The following ACKR2 variants were observed in gnomAD, a reference collection of about 807,000 sequenced individuals.
ACKR2 encodes C-C chemokine receptor D6.
For synonymous variants in ACKR2, 207 were observed against 192.2 expected (o/e 1.08, Z -0.64); for missense variants, 457 against 477.3 (o/e 0.96, Z 0.40).
chr3:42,861,267 A>C (rs920805963), intron 2 of ACKR2, among the ~76,000 whole-genome samples: 7 of 152,250 alleles, frequency 4.6e-5, no homozygotes, highest in Non-Finnish European at 8.8e-5. Context: ...ATCTAGAAGA[A>C]ATGGATAAAT....
intron 2 of ACKR2, among the ~76,000 whole-genome samples, chr3:42,862,484 TTTA>T (rs765219744): frequency 3.9e-5 from 6 of 152,186 alleles, no homozygotes; most frequent in Non-Finnish European, 8.8e-5. Flanking sequence ...TACCACTGAC[TTTA>T]TTCACAGACT....
chr3:42,821,938 C>T (rs759941408), intron 2 of ACKR2, among the ~76,000 whole-genome samples: 3 of 151,950 alleles, frequency 2.0e-5, no homozygotes, highest in East Asian at 1.9e-4. Context: ...CCTCGTGATC[C>T]GCCCGCCTCG....
chr3:42,825,726 A>T (rs1235628066), intron 2 of ACKR2, among the ~76,000 whole-genome samples: 2 of 151,852 alleles, frequency 1.3e-5, no homozygotes, highest in Admixed American at 6.6e-5. Context: ...AACTGCTCTG[A>T]CTAGAAATGC....
chr3:42,833,766 GTATTT>G (rs992294855), intron 2 of ACKR2, among the ~76,000 whole-genome samples: 74 of 151,786 alleles, frequency 4.9e-4, no homozygotes, highest in African/African-American at 1.7e-3. Context: ...TATTAATATT[GTATTT>G]TAAGGCCATT....
At chr3:42,843,315 C>G (rs1036504489) in intron 2 of ACKR2, among the ~76,000 whole-genome samples, 2 of 145,826 alleles carry the variant, frequency 1.4e-5, no homozygotes, top group Non-Finnish European at 3.0e-5. Context: ...AAGTGATCTG[C>G]CCCCCCAGCC....
chr3:42,815,405 A>C (rs946072751), intron 1 of ACKR2, among the ~76,000 whole-genome samples: 2 of 152,204 alleles, frequency 1.3e-5, no homozygotes, highest in Non-Finnish European at 2.9e-5. Context: ...AGAATTGGCT[A>C]GGGGCCAGGC....
chr3:42,810,115 T>C (rs1009669043), intron 1 of ACKR2, among the ~76,000 whole-genome samples: 9 of 152,228 alleles, frequency 5.9e-5, no homozygotes, highest in African/African-American at 1.9e-4. Flanking sequence ...AGTATTGACA[T>C]AGATATTTCC....
At chr3:42,857,817 A>G (rs2088337086) in intron 2 of ACKR2, among the ~76,000 whole-genome samples, 2 of 152,242 alleles carry the variant, frequency 1.3e-5, no homozygotes, top group African/African-American at 4.8e-5. Context: ...TGCATTGGAC[A>G]TTTATGGATA....
At chr3:42,838,939 C>G (rs1252320687) in intron 2 of ACKR2, among the ~76,000 whole-genome samples, 3 of 152,166 alleles carry the variant, frequency 2.0e-5, no homozygotes, top group Non-Finnish European at 4.4e-5. Flanking sequence ...GAAACATACC[C>G]AACAGAAAAG....
intron 2 of ACKR2, among the ~76,000 whole-genome samples, chr3:42,826,024 A>T (rs1235280562): frequency 6.7e-6 from 1 of 149,684 alleles, no homozygotes; most frequent in Non-Finnish European, 1.5e-5. Context: ...TTCTTTTCAT[A>T]TGTTGTCTTA....
Position 42,843,071 on chromosome 3 carries a change from TATTA to T in ACKR2, c.-37-21394_-37-21391del, listed in dbSNP as rs199955125. The stretch of plus-strand genomic sequence containing the variant: ...TTATTTATTTATTTATTTATTTATT[TATTA>T]TTCATTATTTTTTGAGATGGAGTCT... On this transcript the variant is annotated intron_variant, in intron 2 of 2. Transcript: ENST00000422265. 5.0e-3 allele frequency among the ~76,000 whole-genome samples: 714 copies of T among 143,428 alleles called. 6 individuals carry two copies. Among genetic ancestry groups the T allele is most frequent in the African/African-American group, 0.018 (672 of 38,370 alleles). The allele number at this position is 143,428 out of a possible 152,430, so 94.1% of individuals were successfully genotyped here. A position where few individuals can be genotyped will look rare whatever the true frequency, so the allele number is the denominator to read the frequency against.
In ACKR2 at chr3:42,809,539, G is replaced by A. The variant is rs1047441830; in HGVS notation, c.-119+7G>A. On this transcript the variant is annotated splice_region_variant and intron_variant, in intron 1 of 2. Transcript: ENST00000422265. The stretch of plus-strand genomic sequence containing the variant: ...CTGCTATTGAACACGGCAGGTGAGA[G>A]AATTTCTTTATGGCCAATTCTTAGA... 1.3e-5 allele frequency: 2 copies of A among 152,204 alleles called. No individual in the cohort carries two copies. Among genetic ancestry groups the A allele is most frequent in the Non-Finnish European group, 2.9e-5 (2 of 68,082 alleles). The allele number at this position is 152,204 out of a possible 1,614,324, so 9.4% of individuals were successfully genotyped here.
At position 42,864,707 on chromosome 3, in the gene ACKR2, A is replaced by G. The variant is rs1173264769; in HGVS notation, c.205A>G (p.Met69Val). ...CCTCAGCGGGAACCTCCTTCTTCTC[A>G]TGGTCTTGCTCCGTTACGTGCCTCG... ...LGLSGNLLLLMVLLRYVPRRR... is the reference protein window; with the variant it reads ...LGLSGNLLLLVVLLRYVPRRR... Residue 69 changes from methionine (M) to valine (V), a missense_variant, in exon 3 of 3, where the codon ATG (methionine) becomes GTG (valine). Coordinates refer to ENST00000422265, the MANE Select transcript of ACKR2 (RefSeq NM_001296.5). 2 of 1,613,922 alleles carry G rather than the reference A, an allele frequency of 1.2e-6. No homozygotes were observed. The highest frequency in any genetic ancestry group is 1.3e-5 in the African/African-American group (1 of 74,866).
chr3:42,822,236 T>A (rs4682858), intron 2 of ACKR2, among the ~76,000 whole-genome samples: 39,165 of 151,662 alleles, frequency 0.26, 6,252 homozygotes, highest in East Asian at 0.59. Flanking sequence ...TAATGGTGGC[T>A]TTATCTGAAC....
At chr3:42,819,379 T>G (rs2059772) in intron 1 of ACKR2, among the ~76,000 whole-genome samples, 149,069 of 151,162 alleles carry the variant, frequency 0.99, 73,541 homozygotes, top group Middle Eastern at 1. Context: ...AGAGCTTTCT[T>G]TTGACCACAG....
intron 2 of ACKR2, among the ~76,000 whole-genome samples, chr3:42,831,030 CA>C (rs201837698): frequency 1.4e-5 from 2 of 146,172 alleles, no homozygotes; most frequent in South Asian, 2.1e-4. Flanking sequence ...AAACTTCAGG[CA>C]AAAAAAATAA....
intron 2 of ACKR2, among the ~76,000 whole-genome samples, chr3:42,846,861 A>AT (rs752859455): frequency 2.7e-4 from 41 of 152,236 alleles, no homozygotes; most frequent in Non-Finnish European, 4.9e-4. Flanking sequence ...TGAGCAAGCA[A>AT]TAATTCTGTC....
At chr3:42,847,784 GC>G (rs1345629671) in intron 2 of ACKR2, among the ~76,000 whole-genome samples, 12 of 152,196 alleles carry the variant, frequency 7.9e-5, no homozygotes, top group African/African-American at 2.6e-4. Flanking sequence ...GGGCTACCTG[GC>G]CAGGCTCAGC....
At chr3:42,828,613 T>G (rs1227953401) in intron 2 of ACKR2, among the ~76,000 whole-genome samples, 1 of 152,138 alleles carries the variant, frequency 6.6e-6, no homozygotes, top group African/African-American at 2.4e-5. Context: ...TCTGGGAAGG[T>G]CTGAGGATGA....
Sources: allele counts gnomAD v4.1 joint callset (sites outside exome capture counted in the v4.1 genomes callset), GRCh38; gene constraint gnomAD v4.1.1; transcripts MANE v1.5; gene names NCBI Gene and HGNC (gene_info 2026-07-23, HGNC 2026-07-21).